Variants in RIF1 observed in about 807,000 individuals in gnomAD.
RIF1 encodes replication timing regulatory factor 1.
In RIF1, 45 loss-of-function variants were observed where a neutral mutation model predicts 247.1. The ratio of observed to expected loss-of-function variants is 0.18; its 90% CI spans 0.14 to 0.23. The LOEUF is 0.23. Ranked by LOEUF, RIF1 falls within the 10% of genes least tolerant of loss-of-function variation. RIF1 has a pLI of 1.00. For synonymous variants in RIF1, 1,087 were observed against 978.8 expected (o/e 1.11, Z -2.06); for missense variants, 2,967 against 2,862.5 (o/e 1.04, Z -0.83).
chr2:151,437,205 T>G, intron 12 of RIF1, 36 bp from the exon 13 acceptor site: 1 of 1,477,072 alleles, frequency 6.8e-7, no homozygotes, highest in Non-Finnish European at 9.5e-7. Flanking sequence ...ATAAATCTGT[T>G]GTTTTACATA....
At position 151,478,782 on chromosome 2, in the gene RIF1, T is replaced by G. The variant is rs1055920102; in HGVS notation, c.*3711T>G. The G allele has an allele frequency of 6.6e-6, 1 of 152,202 alleles. No homozygotes were observed. Among genetic ancestry groups the G allele is most frequent in the Middle Eastern group, 3.2e-3 (1 of 316 alleles). The allele number at this position is 152,202 out of a possible 1,614,324, so 9.4% of individuals were successfully genotyped here. On this transcript the variant is annotated 3_prime_UTR_variant, in exon 36 of 36. Coordinates refer to ENST00000444746, the MANE Select transcript of RIF1 (RefSeq NM_018151.5). ...TTCAGTAAGAAAGGCCTAGGTTTCA[T>G]CTCATATTCTTCATAATTGATTTTC...
At chr2:151,514,714 C>T in the RIF1 span, 59,808 of 832,740 alleles carry the variant, frequency 0.072, 2,727 homozygotes, top group Non-Finnish European at 0.092. Context: ...AATTTGAAAC[C>T]CACAGTTAGG....
chr2:151,513,676 G>T, the RIF1 span: 1 of 1,602,720 alleles, frequency 6.2e-7, no homozygotes, highest in Admixed American at 1.7e-5. Context: ...CCAGTTCCAG[G>T]TCTCGCTTAT....
chr2:151,508,040 G>GTATC, downstream of RIF1: 1 of 1,610,884 alleles, frequency 6.2e-7, no homozygotes, highest in Non-Finnish European at 8.5e-7. Context: ...CGGACTCTCT[G>GTATC]TATCTCTGGG....
chr2:151,467,060 C>A (rs1205951579), intron 30 of RIF1, among the ~76,000 whole-genome samples: 1 of 151,946 alleles, frequency 6.6e-6, no homozygotes, highest in Non-Finnish European at 1.5e-5. Context: ...GAAACCCCAT[C>A]TCTATTAAAA....
At chr2:151,505,920 G>A in intron 12 of RIF1, 3 of 567,954 alleles carry the variant, frequency 5.3e-6, no homozygotes, top group East Asian at 3.0e-5. Context: ...TTCTTTGACT[G>A]TACCGGATTC....
chr2:151,416,979 A>T, intron 6 of RIF1, 78 bp downstream of exon 6: 1 of 1,088,256 alleles, frequency 9.2e-7, no homozygotes, highest in Non-Finnish European at 1.4e-6. Flanking sequence ...TGGGATTTAA[A>T]TGAGAGACAG....
chr2:151,468,267 T>C, intron 31 of RIF1, 121 bp downstream of exon 31: 3 of 1,043,258 alleles, frequency 2.9e-6, no homozygotes, highest in Non-Finnish European at 4.1e-6. Context: ...AATATATTCT[T>C]TTGTCTGGTA....
intron 26 of RIF1, 21 bp from the exon 27 acceptor site, chr2:151,461,117 C>T (rs1464662654): frequency 6.3e-7 from 1 of 1,597,392 alleles, no homozygotes; most frequent in African/African-American, 1.4e-5. Context: ...TGTACATTTG[C>T]TTATTTTTTC....
chr2:151,459,242 T>C (rs141606599), intron 25 of RIF1, among the ~76,000 whole-genome samples: 133 of 152,342 alleles, frequency 8.7e-4, no homozygotes, highest in African/African-American at 3.0e-3. Flanking sequence ...CATTTTCTTA[T>C]TTTTAAAAAA....
At chr2:151,502,734 GTGT>G in intron 11 of RIF1, 1 of 888,316 alleles carries the variant, frequency 1.1e-6, no homozygotes, top group Non-Finnish European at 1.8e-6. Context: ...CATTTGTAAG[GTGT>G]TATTATTTTA....
At position 151,464,537 on chromosome 2, in the gene RIF1, A is replaced by T. The variant is rs767575170; in HGVS notation, c.5017A>T (p.Asn1673Tyr). The change falls in exon 30 of 36, where the codon AAT (asparagine) becomes TAT (tyrosine). Residue 1673 changes from asparagine (N) to tyrosine (Y), a missense_variant. By Grantham distance (143) the Asn-to-Tyr change is moderately radical. Transcript: ENST00000444746. Reference sequence around the variant, plus strand: ...TACAAGTCTACCTGTGCCAGAATCAAATCTAAGGACTAGAAATGCCATTAA... The same window carrying T: ...TACAAGTCTACCTGTGCCAGAATCATATCTAAGGACTAGAAATGCCATTAA... ...SFTSLPVPESNLRTRNAIKRL... is the reference protein window; with the variant it reads ...SFTSLPVPESYLRTRNAIKRL... 1 of 1,611,922 alleles carries T rather than the reference A, an allele frequency of 6.2e-7. No homozygotes were observed. The highest frequency in any genetic ancestry group is 1.1e-5 in the South Asian group (1 of 90,480).
Position 151,480,016 on chromosome 2 carries a change from G to C in RIF1, c.*4945G>C, listed in dbSNP as rs2049102512. 6.6e-6 allele frequency: 1 copy of C among 152,152 alleles called. No individual in the cohort carries two copies. Among genetic ancestry groups the C allele is most frequent in the African/African-American group, 2.4e-5 (1 of 41,440 alleles). The allele number at this position is 152,152 out of a possible 1,614,324, so 9.4% of individuals were successfully genotyped here. A position where few individuals can be genotyped will look rare whatever the true frequency, so the allele number is the denominator to read the frequency against. ...AATATTTAATATAGTAGTCTAAACA[G>C]TTGTGAGAATTTACTCAGTTCTGAA... On this transcript the variant is annotated 3_prime_UTR_variant, in exon 36 of 36. Transcript: ENST00000444746.
chr2:151,425,328 C>T (rs923292916), intron 8 of RIF1, among the ~76,000 whole-genome samples: 10 of 151,954 alleles, frequency 6.6e-5, no homozygotes, highest in African/African-American at 1.7e-4. Context: ...TATTTAATTC[C>T]GTTCTGTAGG....
rs576369247 is a variant in RIF1 at position 151,420,135 on chromosome 2, G to A, written c.504-55G>A. On this transcript the variant is annotated intron_variant, in intron 6 of 35. Coordinates refer to ENST00000444746, the MANE Select transcript of RIF1 (RefSeq NM_018151.5). ...TTCTGTTTCACCTATTTTACTGCTT[G>A]TTTAGACTTAAAACATGAGGTCACG... The A allele has an allele frequency of 3.3e-6, 5 of 1,502,864 alleles. No individual in the cohort carries two copies. In the South Asian group the frequency reaches 4.9e-5, roughly 15 times the overall value. The allele number at this position is 1,502,864 out of a possible 1,614,324, so 93.1% of individuals were successfully genotyped here.
chr2:151,530,958 AG>A, the RIF1 span: 1 of 1,407,698 alleles, frequency 7.1e-7, no homozygotes. Context: ...AAGGAGGCCA[AG>A]ATGAGAGGGA....
At chr2:151,507,988 A>G in exon 14 of RIF1, 1 of 1,576,948 alleles carries the variant, frequency 6.3e-7, no homozygotes, top group Non-Finnish European at 8.7e-7. Context: ...TGTGCCTTAC[A>G]TTTAATAAAA....
intron 26 of RIF1, 40 bp downstream of exon 26, chr2:151,460,159 G>A (rs145226396): frequency 2.1e-6 from 3 of 1,412,390 alleles, no homozygotes; most frequent in Admixed American, 4.7e-5. Flanking sequence ...TTAAGATAAA[G>A]TATATTGTAA....
chr2:151,527,415 T>A, the RIF1 span: 74 of 1,172,092 alleles, frequency 6.3e-5, no homozygotes, highest in Non-Finnish European at 9.0e-5. Context: ...TTATTATAAA[T>A]AATTATTCAT....
Sources: gnomAD v4.1 joint callset for allele counts (sites outside exome capture counted in the v4.1 genomes callset) on GRCh38, gnomAD v4.1.1 for gene constraint, MANE v1.5 for transcripts, NCBI Gene and HGNC (gene_info 2026-07-23, HGNC 2026-07-21) for gene names.